The following COL26A1 variants were observed in gnomAD, a reference collection of about 807,000 sequenced individuals.
COL26A1 encodes the protein collagen type XXVI alpha 1 chain, also known as collagen alpha-1(XXVI) chain.
In COL26A1, 41 loss-of-function variants were observed where a neutral mutation model predicts 59.3. The observed-to-expected ratio is 0.69, with a 90% CI of 0.54 to 0.90. The LOEUF is 0.90. COL26A1 is among the 40% of genes least tolerant of loss of function. The pLI, the probability that COL26A1 is intolerant of heterozygous loss-of-function variation, is 0.00. For synonymous variants in COL26A1, 266 were observed against 256.0 expected (o/e 1.04, Z -0.37); for missense variants, 612 against 602.3 (o/e 1.02, Z -0.17).
chr7:101,489,670 TTCCTTCCTTC>T (rs1563007404), intron 3 of COL26A1, among the ~76,000 whole-genome samples: 6 of 55,020 alleles, frequency 1.1e-4, no homozygotes, highest in African/African-American at 1.8e-4. Context: ...TCTTCCTTCC[TTCCTTCCTTC>T]CTTTCTTTCT....
intron 3 of COL26A1, among the ~76,000 whole-genome samples, chr7:101,470,122 C>G (rs79883759): frequency 7.5e-6 from 1 of 133,566 alleles, no homozygotes; most frequent in East Asian, 2.3e-4. Flanking sequence ...TTTTTTTTTT[C>G]GAGACAGAGT....
intron 2 of COL26A1, among the ~76,000 whole-genome samples, chr7:101,437,315 G>A (rs1584406689): frequency 1.3e-5 from 2 of 152,182 alleles, no homozygotes; most frequent in Middle Eastern, 3.4e-3. Flanking sequence ...AGCTCTGGGA[G>A]GCTGCATGAC....
At chr7:101,555,969 C>G in intron 12 of COL26A1, 98 bp downstream of exon 12, 1 of 1,044,328 alleles carries the variant, frequency 9.6e-7, no homozygotes, top group Non-Finnish European at 1.4e-6. Context: ...TCTGGTCTCC[C>G]TCCCTTGCCC....
At chr7:101,462,917 G>A (rs1562992693) in intron 3 of COL26A1, among the ~76,000 whole-genome samples, 1 of 152,134 alleles carries the variant, frequency 6.6e-6, no homozygotes, top group Non-Finnish European at 1.5e-5. Flanking sequence ...GAGTGATGGG[G>A]CCGGGACACT....
rs113896904 is a variant in COL26A1, at chr7:101,424,417, G to C, written c.281+4318G>C. ...GTTTGAGACCAGCCTGGCCAACATG[G>C]TGAAACCCTGTGTCTACTAAAAATA... On this transcript the variant is annotated intron_variant, in intron 2 of 12. Transcript: ENST00000313669. Among the ~76,000 whole-genome samples, 992 of 152,120 alleles carry C rather than the reference G, an allele frequency of 6.5e-3. 9 individuals carry two copies. Among genetic ancestry groups the C allele is most frequent in the African/African-American group, 0.023 (940 of 41,508 alleles).
intron 1 of COL26A1, among the ~76,000 whole-genome samples, chr7:101,401,054 G>C (rs191625971): frequency 1.3e-5 from 2 of 152,308 alleles, no homozygotes; most frequent in African/African-American, 4.8e-5. Context: ...GGCTGCATTT[G>C]GCTGGAAGTT....
intron 9 of COL26A1, 114 bp downstream of exon 9, chr7:101,549,337 C>A: frequency 1.5e-6 from 1 of 655,730 alleles, no homozygotes; most frequent in Non-Finnish European, 2.7e-6. Flanking sequence ...CAGGAAGGAG[C>A]CAGTCGGCCT....
chr7:101,454,268 C>CTTTTTTTTTTTTTT (rs58969139), intron 3 of COL26A1, among the ~76,000 whole-genome samples: 2 of 137,346 alleles, frequency 1.5e-5, no homozygotes, highest in African/African-American at 2.7e-5. Flanking sequence ...TCTTTTCTTT[C>CTTTTTTTTTTTTTT]TTTTTTTTTT....
chr7:101,496,889 A>G (rs1391862931), intron 3 of COL26A1, among the ~76,000 whole-genome samples: 1 of 151,588 alleles, frequency 6.6e-6, no homozygotes, highest in Non-Finnish European at 1.5e-5. Context: ...CAAAGAAAAA[A>G]AAAAAAAAGA....
At chr7:101,383,694 C>T (rs1232050283) in intron 1 of COL26A1, among the ~76,000 whole-genome samples, 2 of 152,202 alleles carry the variant, frequency 1.3e-5, no homozygotes, top group African/African-American at 4.8e-5. Flanking sequence ...GCCACCGTGC[C>T]CAGCTACTTT....
At chr7:101,401,687 T>TGAAGAG (rs1554405735) in intron 1 of COL26A1, among the ~76,000 whole-genome samples, 1 of 122,538 alleles carries the variant, frequency 8.2e-6, no homozygotes, top group African/African-American at 3.0e-5. Context: ...TGTTGGAGGC[T>TGAAGAG]GAGGAGGAGG....
intron 1 of COL26A1, among the ~76,000 whole-genome samples, chr7:101,407,883 A>T (rs1291556958): frequency 6.6e-6 from 1 of 152,154 alleles, no homozygotes; most frequent in Non-Finnish European, 1.5e-5. Flanking sequence ...GGCGGGTTAT[A>T]CAGAAATTAT....
At chr7:101,545,988 G>C (rs1321439060) in intron 7 of COL26A1, among the ~76,000 whole-genome samples, 1 of 152,228 alleles carries the variant, frequency 6.6e-6, no homozygotes, top group Non-Finnish European at 1.5e-5. Flanking sequence ...CAGGATTTTA[G>C]CCACTGGGGA....
intron 4 of COL26A1, among the ~76,000 whole-genome samples, chr7:101,533,505 G>A (rs1195757889): frequency 1.3e-5 from 2 of 152,128 alleles, no homozygotes; most frequent in Non-Finnish European, 2.9e-5. Flanking sequence ...CAGAGGAACC[G>A]ATGGGAAAAG....
intron 1 of COL26A1, among the ~76,000 whole-genome samples, chr7:101,387,774 A>ATTTTTTTTTTTTTTTTT (rs1185449488): frequency 1.2e-3 from 60 of 48,888 alleles, no homozygotes; most frequent in Non-Finnish European, 2.0e-3. Context: ...ATATATATAT[A>ATTTTTTTTTTTTTTTTT]TATATTTTTT....
chr7:101,537,910 C>T (rs916109732), intron 4 of COL26A1, among the ~76,000 whole-genome samples: 4 of 152,120 alleles, frequency 2.6e-5, no homozygotes, highest in East Asian at 1.9e-4. Context: ...CTGAGTTCCC[C>T]TTGGGATACT....
chr7:101,459,461 G>A (rs528400440), intron 3 of COL26A1, among the ~76,000 whole-genome samples: 14 of 114,454 alleles, frequency 1.2e-4, no homozygotes, highest in South Asian at 8.7e-4. Flanking sequence ...CACCACACCC[G>A]GCTAATTTTT....
intron 2 of COL26A1, among the ~76,000 whole-genome samples, chr7:101,431,729 A>G (rs575376412): frequency 1.1e-4 from 17 of 152,164 alleles, no homozygotes; most frequent in African/African-American, 3.6e-4. Context: ...TGATGACTAC[A>G]TTGAGTAACT....
intron 3 of COL26A1, among the ~76,000 whole-genome samples, chr7:101,501,506 C>A (rs1017967332): frequency 2.6e-5 from 4 of 152,228 alleles, no homozygotes; most frequent in Admixed American, 6.5e-5. Context: ...CTTCCATATT[C>A]ACCAGACACC....
Sources: allele counts gnomAD v4.1 joint callset (sites outside exome capture counted in the v4.1 genomes callset), GRCh38; gene constraint gnomAD v4.1.1; transcripts MANE v1.5; gene names NCBI Gene and HGNC (gene_info 2026-07-23, HGNC 2026-07-21).